KDM6A: variants seen among roughly 807,000 people sequenced by gnomAD.
KDM6A encodes lysine-specific demethylase 6A.
KDM6A carries 11 observed loss-of-function variants against 117.6 expected under a neutral mutation model. The observed-to-expected ratio is 0.09, with a 90% confidence interval of 0.06 to 0.15. The LOEUF is 0.15. Ranked by LOEUF, KDM6A falls within the 10% of genes least tolerant of loss-of-function variation. The pLI is 1.00. For missense variants in KDM6A, 799 were observed against 1,077.3 expected, an observed-to-expected ratio of 0.74 and a Z score of 3.62; for synonymous variants, 384 against 396.1, an observed-to-expected ratio of 0.97 and a Z score of 0.36.
intron 2 of KDM6A, among the ~76,000 whole-genome samples, chrX:44,939,608 T>G (rs1008049607): frequency 4.4e-5 from 5 of 112,375 alleles, no homozygotes; most frequent in African/African-American, 1.6e-4. Flanking sequence ...TGGCAGGGTT[T>G]GAGAGAACTG....
chrX:44,975,787 C>T (rs2039587694), intron 4 of KDM6A, among the ~76,000 whole-genome samples: 1 of 111,952 alleles, frequency 8.9e-6, no homozygotes, highest in African/African-American at 3.3e-5. Context: ...ATCCACCCAG[C>T]CCACAGGTGT....
At chrX:45,012,197 A>ATTTTTTTTTTTTTTTTTTTTTTTTT (rs760991442) in intron 5 of KDM6A, among the ~76,000 whole-genome samples, 1 of 69,070 alleles carries the variant, frequency 1.4e-5, no homozygotes, top group African/African-American at 6.3e-5. Flanking sequence ...CCCAATGTAG[A>ATTTTTTTTTTTTTTTTTTTTTTTTT]TTTTTTTTTT....
intron 2 of KDM6A, among the ~76,000 whole-genome samples, chrX:44,898,690 A>G (rs2034084219): frequency 9.0e-6 from 1 of 111,373 alleles, no homozygotes; most frequent in Non-Finnish European, 1.9e-5. Flanking sequence ...GCTTGCTCTT[A>G]CTGGGTGGAG....
intron 29 of KDM6A, among the ~76,000 whole-genome samples, chrX:45,110,495 A>G (rs1208027495): frequency 8.9e-6 from 1 of 111,830 alleles, no homozygotes; most frequent in Non-Finnish European, 1.9e-5. Context: ...CAACAATTAC[A>G]TTTAAAAATC....
chrX:44,954,042 A>G (rs937142038), intron 2 of KDM6A, among the ~76,000 whole-genome samples: 1 of 103,927 alleles, frequency 9.6e-6, no homozygotes, highest in African/African-American at 3.4e-5. Flanking sequence ...TGGGTGACAG[A>G]GTGAGACCTT....
chrX:45,047,674 C>CTTTTTTTT lies in KDM6A; in HGVS notation c.655-4013_655-4006dup, dbSNP rs78749806. On this transcript the variant is annotated intron_variant, in intron 8 of 29. Coordinates refer to ENST00000611820, the MANE Select transcript of KDM6A (RefSeq NM_001291415.2). ...TCAAATATCTGCTTGCTTTTTTTTT[C>CTTTTTTTT]TTTTTTTTTTTTTTTTTTTTTTTTT... Among the ~76,000 whole-genome samples, 131 of 36,361 alleles carry CTTTTTTTT rather than the reference C, an allele frequency of 3.6e-3. 35 individuals carry two copies. The highest frequency in any genetic ancestry group is 0.013 in the East Asian group (12 of 906). The allele number at this position is 36,361 out of a possible 115,157, so 31.6% of individuals were successfully genotyped here. A position where few individuals can be genotyped will look rare whatever the true frequency, so the allele number is the denominator to read the frequency against.
intron 12 of KDM6A, among the ~76,000 whole-genome samples, 179 bp from the exon 13 acceptor site, chrX:45,059,843 A>T (rs1323745635): frequency 8.9e-6 from 1 of 111,987 alleles, no homozygotes; most frequent in African/African-American, 3.2e-5. Flanking sequence ...CTTTGTTTTG[A>T]TTCTCACAAA....
intron 5 of KDM6A, among the ~76,000 whole-genome samples, chrX:45,019,489 T>C (rs946905631): frequency 2.7e-5 from 3 of 112,184 alleles, no homozygotes; most frequent in Admixed American, 9.5e-5. Context: ...TATGAATTGA[T>C]GAAAGTAAAG....
chrX:44,913,747 T>TACATAC (rs1173034377), intron 2 of KDM6A, among the ~76,000 whole-genome samples: 1 of 109,471 alleles, frequency 9.1e-6, no homozygotes, highest in East Asian at 2.9e-4. Flanking sequence ...TGTGTGCGTA[T>TACATAC]ATATATATAT....
chrX:44,928,506 A>G (rs2036434042), intron 2 of KDM6A, among the ~76,000 whole-genome samples: 1 of 112,220 alleles, frequency 8.9e-6, no homozygotes, highest in African/African-American at 3.2e-5. Flanking sequence ...AAATAATAAA[A>G]TAGTAATATT....
intron 4 of KDM6A, 30 bp downstream of exon 4, chrX:44,974,745 G>A (rs903951095): frequency 1.1e-5 from 12 of 1,110,143 alleles, no homozygotes; most frequent in Middle Eastern, 5.1e-4. Context: ...CTGATTTCAT[G>A]TTTGTGTTTT....
At chrX:44,900,875 C>G (rs1209912845) in intron 2 of KDM6A, among the ~76,000 whole-genome samples, 3 of 111,298 alleles carry the variant, frequency 2.7e-5, no homozygotes, top group African/African-American at 9.8e-5. Flanking sequence ...AGCTAGACTT[C>G]GTCTCAAAAA....
At chrX:45,046,535 G>A (rs1164807643) in intron 8 of KDM6A, among the ~76,000 whole-genome samples, 1 of 111,410 alleles carries the variant, frequency 9.0e-6, no homozygotes, top group African/African-American at 3.3e-5. Flanking sequence ...GAACATAACA[G>A]GAAAAAATTC....
chrX:45,033,678 G>A (rs185766720), intron 6 of KDM6A, among the ~76,000 whole-genome samples: 10 of 109,798 alleles, frequency 9.1e-5, no homozygotes, highest in East Asian at 8.5e-4. Flanking sequence ...CTCAGCCTCC[G>A]GAGTAGCTGA....
chrX:45,093,381 AAAAC>A (rs1238787205), intron 27 of KDM6A, among the ~76,000 whole-genome samples: 244 of 107,123 alleles, frequency 2.3e-3, no homozygotes, highest in African/African-American at 6.7e-3. Context: ...TCTCAAAAAA[AAAAC>A]AAACAAACAA....
intron 2 of KDM6A, among the ~76,000 whole-genome samples, chrX:44,907,481 CTTTTTTT>C (rs1157850343): frequency 1.4e-5 from 1 of 73,147 alleles, no homozygotes; most frequent in Admixed American, 1.6e-4. Flanking sequence ...TTTTTTTTTT[CTTTTTTT>C]TTTTTTTTCT....
rs765071454 is a variant in KDM6A, at chrX:45,063,570, G to A, written c.1832G>A (p.Arg611His). Residue 611 changes from arginine (R) to histidine (H), a missense_variant, in exon 17 of 30, where the codon CGT (arginine) becomes CAT (histidine). Arg to His is a conservative substitution (Grantham distance 29). Around this residue, in one of 8 missense-constraint regions of KDM6A, gnomAD observed 301 missense variants for 318.3 expected, o/e 0.95. Coordinates refer to ENST00000611820, the MANE Select transcript of KDM6A (RefSeq NM_001291415.2). Reference sequence around the variant, plus strand: ...CCTAGCGTCTCTCAGCCTGGAGTCCGTCCTGCCTGCCCTGGGCAGCCTTTG... The same window carrying A: ...CCTAGCGTCTCTCAGCCTGGAGTCCATCCTGCCTGCCCTGGGCAGCCTTTG... Reference protein sequence around the residue: ...RVPSVSQPGVRPACPGQPLAN... With the variant: ...RVPSVSQPGVHPACPGQPLAN... 35 of 1,209,733 alleles carry A rather than the reference G, an allele frequency of 2.9e-5. No individual in the cohort carries two copies. In the Admixed American group the frequency reaches 3.9e-4, roughly 14 times the overall value.
At chrX:44,988,099 G>C (rs2040347167) in intron 4 of KDM6A, among the ~76,000 whole-genome samples, 1 of 111,872 alleles carries the variant, frequency 8.9e-6, no homozygotes, top group Non-Finnish European at 1.9e-5. Flanking sequence ...TGCAGGCTTT[G>C]TTCGTTTCTT....
chrX:45,039,051 A>AT (rs1264266611), intron 8 of KDM6A, among the ~76,000 whole-genome samples: 104 of 111,741 alleles, frequency 9.3e-4, no homozygotes, highest in Admixed American at 1.9e-3. Context: ...TATAGGATGT[A>AT]ATCAGACAGT....
Sources: gnomAD v4.1 joint callset for allele counts (sites outside exome capture counted in the v4.1 genomes callset) on GRCh38, gnomAD v4.1.1 for gene constraint, gnomAD v4.1.1 regional missense constraint, MANE v1.5 for transcripts, NCBI Gene and HGNC (gene_info 2026-07-23, HGNC 2026-07-21) for gene names.